LOXHD1: variants seen among roughly 807,000 people sequenced by gnomAD.
The protein encoded by LOXHD1 is lipoxygenase homology domain-containing protein 1.
In LOXHD1, 205 loss-of-function variants were observed where a neutral mutation model predicts 248.2. The observed-to-expected ratio is 0.83, with a 90% CI of 0.74 to 0.93. The LOEUF (loss-of-function observed/expected upper bound fraction) is 0.93, where lower values mean the gene tolerates loss of function less well. Ranked by LOEUF, LOXHD1 falls within the 40% of genes least tolerant of loss-of-function variation. The pLI is 0.00. For missense variants in LOXHD1, 2,930 were observed against 2,971.6 expected, an observed-to-expected ratio of 0.99 and a Z score of 0.33; for synonymous variants, 1,113 against 1,162.8, an observed-to-expected ratio of 0.96 and a Z score of 0.87.
At chr18:46,610,364 C>T (rs1249419951) in intron 6 of LOXHD1, among the ~76,000 whole-genome samples, 2 of 149,108 alleles carry the variant, frequency 1.3e-5, no homozygotes, top group East Asian at 4.0e-4. Flanking sequence ...AACACTTGGA[C>T]ACAGGGCGGG....
At position 46,581,586 on chromosome 18, in the gene LOXHD1, T is replaced by A. The variant is rs2037963589; in HGVS notation, c.1655-1802A>T. ...GTCCATTTAAAGCCATGGGATCAAA[T>A]GAAATACCCTATGGTGAAGATATAG... On this transcript the variant is annotated intron_variant, in intron 12 of 40. Transcript: ENST00000642948. Among the ~76,000 whole-genome samples, 10 of 152,316 alleles carry A rather than the reference T, an allele frequency of 6.6e-5. 1 individual carries two copies. In the South Asian group the frequency reaches 1.9e-3, roughly 28 times the overall value.
rs1208135544 is a variant in LOXHD1 at position 46,657,055 on chromosome 18, G to C, written c.-22C>G. The C allele has an allele frequency of 2.6e-6, 4 of 1,551,504 alleles. No homozygotes were observed. The highest frequency in any genetic ancestry group is 1.7e-6 in the Non-Finnish European group (2 of 1,146,866). On this transcript the variant is annotated 5_prime_UTR_variant, in exon 1 of 41. Transcript: ENST00000642948. Reference sequence around the variant, plus strand: ...TCATTCTGTCGGCTGCCTTCTCCCAGCGCTCGCAGGCTCACTGTGCCGCCT... The same window carrying C: ...TCATTCTGTCGGCTGCCTTCTCCCACCGCTCGCAGGCTCACTGTGCCGCCT...
In LOXHD1 at chr18:46,545,339, G is replaced by T; in HGVS notation, c.3597C>A (p.Leu1199=). The change falls in exon 23 of 41, where the codon CTC becomes CTA. Residue 1199 remains leucine, a synonymous_variant. Coordinates refer to ENST00000642948, the MANE Select transcript of LOXHD1 (RefSeq NM_001384474.1). ...AGTDANVFIT[L]FGTQDDTGMT... is the part of the protein sequence containing the mutation. ...TACCAGTGTCATCCTGTGTGCCAAA[G>T]AGTGTGATGAAGACATTAGCATCTG... 1 of 1,551,706 alleles carries T rather than the reference G, an allele frequency of 6.4e-7. No homozygotes were observed. The highest frequency in any genetic ancestry group is 1.4e-5 in the African/African-American group (1 of 73,134).
intron 12 of LOXHD1, among the ~76,000 whole-genome samples, chr18:46,590,716 T>C (rs570834038): frequency 2.0e-5 from 3 of 152,248 alleles, no homozygotes; most frequent in East Asian, 3.9e-4. Context: ...AAAGGCAGGG[T>C]GATGATTTGG....
At chr18:46,653,120 A>C (rs2039133312) in intron 1 of LOXHD1, among the ~76,000 whole-genome samples, 1 of 152,104 alleles carries the variant, frequency 6.6e-6, no homozygotes, top group Admixed American at 6.5e-5. Context: ...GGTGGCGCAC[A>C]CCTGTAATTC....
intron 28 of LOXHD1, among the ~76,000 whole-genome samples, chr18:46,532,479 T>A (rs149987975): frequency 8.5e-5 from 13 of 152,230 alleles, no homozygotes; most frequent in African/African-American, 3.1e-4. Flanking sequence ...AGGAATACTA[T>A]CTAGCATGAG....
chr18:46,508,017 GAA>G, intron 35 of LOXHD1, among the ~76,000 whole-genome samples: 1 of 152,304 alleles, frequency 6.6e-6, no homozygotes, highest in African/African-American at 2.4e-5. Flanking sequence ...GATATTTGCT[GAA>G]AGAGTGACAG....
At chr18:46,520,826 A>G (rs2035539649) in intron 33 of LOXHD1, 1 of 443,316 alleles carries the variant, frequency 2.3e-6, no homozygotes, top group Admixed American at 3.5e-5. Flanking sequence ...GGCCATGAGT[A>G]GCAGGGATGC....
At chr18:46,535,073 A>G (rs2036249180) in intron 26 of LOXHD1, among the ~76,000 whole-genome samples, 1 of 152,128 alleles carries the variant, frequency 6.6e-6, no homozygotes, top group Non-Finnish European at 1.5e-5. Context: ...CCTCCCCGAG[A>G]AAGTTAATTT....
chr18:46,591,977 C>A lies in LOXHD1; in HGVS notation c.1610G>T (p.Arg537Met), dbSNP rs1241227633. ...DANEDDNEIVREMTAEGPTVR... is the reference protein window; with the variant it reads ...DANEDDNEIVMEMTAEGPTVR... ...TGTTGGGCCTTCTGCAGTCATTTCC[C>A]TCACTATCTCATTGTCATCCTCATT... The change falls in exon 12 of 41, where the codon AGG (arginine) becomes ATG (methionine). Residue 537 changes from arginine to methionine, a missense_variant. Physicochemically the swap from Arg to Met is moderately conservative, Grantham distance 91 (BLOSUM62 -1). Coordinates refer to ENST00000642948, the MANE Select transcript of LOXHD1 (RefSeq NM_001384474.1). The A allele has an allele frequency of 1.5e-5, 23 of 1,551,934 alleles. No individual in the cohort carries two copies. The highest frequency in any genetic ancestry group is 2.0e-5 in the Non-Finnish European group (23 of 1,147,072).
At chr18:46,563,037 G>C in intron 18 of LOXHD1, 28 bp downstream of exon 18, 1 of 1,521,786 alleles carries the variant, frequency 6.6e-7, no homozygotes, top group Non-Finnish European at 8.9e-7. Flanking sequence ...GCCTGCTGTT[G>C]GCACCCCCGC....
chr18:46,604,999 A>C (rs1386165809), intron 6 of LOXHD1, among the ~76,000 whole-genome samples: 1 of 152,168 alleles, frequency 6.6e-6, no homozygotes, highest in Non-Finnish European at 1.5e-5. Flanking sequence ...AAATATACAC[A>C]AAAAAATTTA....
At chr18:46,648,968 G>A (rs531832450) in intron 2 of LOXHD1, among the ~76,000 whole-genome samples, 187 bp downstream of exon 2, 1 of 152,360 alleles carries the variant, frequency 6.6e-6, no homozygotes, top group South Asian at 2.1e-4. Context: ...CAAGAGAGGA[G>A]CTGAGGGAGG....
chr18:46,607,394 TA>T (rs1389649797), intron 6 of LOXHD1, among the ~76,000 whole-genome samples: 1 of 149,778 alleles, frequency 6.7e-6, no homozygotes, highest in African/African-American at 2.4e-5. Flanking sequence ...TATACGTACG[TA>T]TATGTACATA....
At chr18:46,515,144 C>A (rs1282897580) in intron 34 of LOXHD1, among the ~76,000 whole-genome samples, 1 of 152,194 alleles carries the variant, frequency 6.6e-6, no homozygotes, top group African/African-American at 2.4e-5. Context: ...CATCTGACTG[C>A]AGGAGCGTTG....
chr18:46,518,106 G>A (rs1304714001), intron 34 of LOXHD1, 23 bp downstream of exon 34: 16 of 1,550,600 alleles, frequency 1.0e-5, no homozygotes, highest in Non-Finnish European at 1.4e-5. Flanking sequence ...GAGGGGTGAG[G>A]GGCAGGGGCC....
At chr18:46,588,915 C>G (rs1028417878) in intron 12 of LOXHD1, among the ~76,000 whole-genome samples, 41 of 152,088 alleles carry the variant, frequency 2.7e-4, no homozygotes, top group African/African-American at 9.9e-4. Flanking sequence ...AAGGTCACAA[C>G]AGTGCTGGGA....
chr18:46,642,905 A>G lies in LOXHD1; in HGVS notation c.246-869T>C, dbSNP rs185638067. ...GGGCTGAGAGCTGCAGGCCTCACTC[A>G]GCGCTCTCAGCCAGGACTCTCAGGA... On this transcript the variant is annotated intron_variant, in intron 2 of 40. Transcript: ENST00000642948. Among the ~76,000 whole-genome samples, 552 of 152,312 alleles carry G rather than the reference A, an allele frequency of 3.6e-3. 3 individuals carry two copies. Among genetic ancestry groups the G allele is most frequent in the Non-Finnish European group, 6.9e-3 (467 of 68,024 alleles).
intron 34 of LOXHD1, among the ~76,000 whole-genome samples, chr18:46,513,525 C>A (rs990575868): frequency 6.6e-6 from 1 of 152,132 alleles, no homozygotes; most frequent in Non-Finnish European, 1.5e-5. Flanking sequence ...AACACATACA[C>A]AAAAGAGGTG....
Sources: allele counts gnomAD v4.1 joint callset (sites outside exome capture counted in the v4.1 genomes callset), GRCh38; gene constraint gnomAD v4.1.1; transcripts MANE v1.5; gene names NCBI Gene and HGNC (gene_info 2026-07-23, HGNC 2026-07-21).